ATP8B1: variants seen among roughly 807,000 people sequenced by gnomAD.
ATP8B1 encodes the protein phospholipid-transporting ATPase IC.
Under a neutral mutation model 149.9 loss-of-function variants are expected in ATP8B1, and 80 were observed. That is an observed-to-expected ratio of 0.53 (90% CI 0.45 to 0.64). ATP8B1 has a LOEUF of 0.64. Ranked by LOEUF, ATP8B1 falls within the 30% of genes least tolerant of loss-of-function variation. The probability of loss-of-function intolerance (pLI) is 0.00; values close to 1 mark genes in which losing one functional copy is unlikely to be tolerated. For synonymous variants in ATP8B1, 536 were observed against 562.8 expected, an observed-to-expected ratio of 0.95 and a Z score of 0.67; for missense variants, 1,247 against 1,552.6, an observed-to-expected ratio of 0.80 and a Z score of 3.31.
intron 2 of ATP8B1, among the ~76,000 whole-genome samples, chr18:57,730,118 C>T (rs55654130): frequency 0.01 from 1,563 of 152,126 alleles, 27 homozygotes; most frequent in African/African-American, 0.036. Flanking sequence ...ATTCTGTGAC[C>T]AGAACAGGAA....
At chr18:57,764,576 A>T (rs992398155) in intron 1 of ATP8B1, among the ~76,000 whole-genome samples, 1 of 150,780 alleles carries the variant, frequency 6.6e-6, no homozygotes, top group Non-Finnish European at 1.5e-5. Context: ...CTGCCACCAC[A>T]CCCGGCTAAT....
At position 57,648,445 on chromosome 18, in the gene ATP8B1, A is replaced by G. The variant is rs1237366937; in HGVS notation, c.*43T>C. ...AGTCCTGAGAGTCTTTCATAAAAAA[A>G]TAGACGTGCTTTGTGGCCGCATCCC... is the stretch of plus-strand genomic sequence containing the variant. On this transcript the variant is annotated 3_prime_UTR_variant, in exon 28 of 28. Coordinates refer to ENST00000648908, the MANE Select transcript of ATP8B1 (RefSeq NM_001374385.1). 1 of 1,600,224 alleles carries G rather than the reference A, an allele frequency of 6.2e-7. No individual in the cohort carries two copies. Among genetic ancestry groups the G allele is most frequent in the Non-Finnish European group, 8.5e-7 (1 of 1,170,572 alleles).
In ATP8B1 at chr18:57,655,389, T is replaced by C; in HGVS notation, c.2736A>G (p.Gly912=). 6.2e-7 allele frequency: 1 copy of C among 1,614,228 alleles called. No homozygotes were observed. The highest frequency in any genetic ancestry group is 8.5e-7 in the Non-Finnish European group (1 of 1,180,046). ...KTAHIGVGIS[G]QEGMQAVMSS... ...ACATGACAGCTTGCATTCCTTCTTG[T>C]CCACTTATTCCAACGCCAATGTGGG... Residue 912 remains glycine (G), a synonymous_variant, in exon 23 of 28, where the codon GGA becomes GGG. Transcript: ENST00000648908.
chr18:57,673,560 C>T (rs462224), intron 16 of ATP8B1, among the ~76,000 whole-genome samples: 150,855 of 151,870 alleles, frequency 0.99, 74,942 homozygotes, highest in Middle Eastern at 1. Flanking sequence ...CTCCTTCTAA[C>T]GCAATTTACT....
At chr18:57,685,211 C>G in intron 13 of ATP8B1, 96 bp from the exon 14 acceptor site, 1 of 1,323,696 alleles carries the variant, frequency 7.6e-7, no homozygotes, top group Non-Finnish European at 1.1e-6. Flanking sequence ...GTGGTAAGAC[C>G]ATATACGGCC....
chr18:57,766,724 C>A (rs1440659473), intron 1 of ATP8B1, among the ~76,000 whole-genome samples: 2 of 152,160 alleles, frequency 1.3e-5, no homozygotes, highest in Admixed American at 1.3e-4. Flanking sequence ...AGGGACCACC[C>A]TTTAAGAAGC....
intron 1 of ATP8B1, among the ~76,000 whole-genome samples, chr18:57,756,305 A>ACATATATATATATATATATG (rs1555653787): frequency 9.4e-6 from 1 of 106,128 alleles, no homozygotes. Flanking sequence ...GTGTATGTAT[A>ACATATATATATATATATATG]TATATATATA....
chr18:57,706,427 G>A, intron 3 of ATP8B1, 63 bp downstream of exon 3: 1 of 1,349,686 alleles, frequency 7.4e-7, no homozygotes, highest in East Asian at 2.3e-5. Flanking sequence ...AAGGTAGTAA[G>A]CATGCCAGCT....
In ATP8B1 at chr18:57,652,674, CTT is replaced by C. The variant is rs750061899; in HGVS notation, c.3069_3070del (p.Asp1025LeufsTer6). 1.2e-6 allele frequency: 2 copies of C among 1,614,134 alleles called. No homozygotes were observed. The highest frequency in any genetic ancestry group is 1.7e-5 in the Admixed American group (1 of 60,018). On this transcript the variant is annotated frameshift_variant, in exon 25 of 28. Coordinates refer to ENST00000648908, the MANE Select transcript of ATP8B1 (RefSeq NM_001374385.1). LOFTEE classifies it high-confidence loss of function. ...TCTCTTATAGTTGAATAGTAAGTCT[CTT>C]TGTCCCACTATGTATAACCCAGGGA...
chr18:57,697,298 T>C (rs319440), intron 8 of ATP8B1, among the ~76,000 whole-genome samples: 69,120 of 151,808 alleles, frequency 0.46, 16,334 homozygotes, highest in East Asian at 0.69. Flanking sequence ...TGGTAAAGAC[T>C]TTAAAAATCT....
In ATP8B1 at chr18:57,649,058, C is replaced by T. The variant is rs554984685; in HGVS notation, c.3532-346G>A. On this transcript the variant is annotated intron_variant, in intron 27 of 27. Coordinates refer to ENST00000648908, the MANE Select transcript of ATP8B1 (RefSeq NM_001374385.1). ...GGTTACAGGCACGCACTGCCACACC[C>T]GTCTAATTTTTGTATTTTTAGTGGA... Among the ~76,000 whole-genome samples, 213 of 152,066 alleles carry T rather than the reference C, an allele frequency of 1.4e-3. 2 individuals carry two copies. The highest frequency in any genetic ancestry group is 4.5e-3 in the African/African-American group (187 of 41,486).
chr18:57,694,995 A>C (rs1297111586), intron 10 of ATP8B1, among the ~76,000 whole-genome samples, 176 bp downstream of exon 10: 1 of 131,146 alleles, frequency 7.6e-6, no homozygotes, highest in Non-Finnish European at 1.5e-5. Context: ...ATGCCACTGC[A>C]CTCCAGCCTG....
intron 11 of ATP8B1, among the ~76,000 whole-genome samples, chr18:57,692,867 G>C (rs1340842988): frequency 6.6e-6 from 1 of 152,178 alleles, no homozygotes; most frequent in African/African-American, 2.4e-5. Flanking sequence ...TGTTGTAGAA[G>C]TTATGAGCAT....
intron 22 of ATP8B1, among the ~76,000 whole-genome samples, chr18:57,658,177 G>T (rs891865780): frequency 3.3e-5 from 5 of 151,922 alleles, no homozygotes; most frequent in Admixed American, 6.6e-5. Flanking sequence ...CTCCCGAGTG[G>T]CTGGGATTAC....
chr18:57,786,097 A>G (rs542486534), intron 1 of ATP8B1, among the ~76,000 whole-genome samples: 96 of 152,348 alleles, frequency 6.3e-4, no homozygotes, highest in Non-Finnish European at 9.8e-4. Context: ...TTAATGTGTA[A>G]TTATAGAACA....
chr18:57,764,756 TCAAAAAAAA>T (rs1404843206), intron 1 of ATP8B1, among the ~76,000 whole-genome samples: 15 of 66,440 alleles, frequency 2.3e-4, no homozygotes, highest in Non-Finnish European at 3.8e-4. Context: ...CTTTCAGTTG[TCAAAAAAAA>T]AAAAAAAAAA....
At chr18:57,778,228 C>CT (rs5825238) in intron 1 of ATP8B1, among the ~76,000 whole-genome samples, 190 of 97,650 alleles carry the variant, frequency 1.9e-3, no homozygotes, top group East Asian at 6.2e-3. Flanking sequence ...TTTTCTTTTT[C>CT]TTTTTTTTTT....
At chr18:57,652,442 G>A in intron 25 of ATP8B1, 42 bp downstream of exon 25, 1 of 1,613,124 alleles carries the variant, frequency 6.2e-7, no homozygotes, top group South Asian at 1.1e-5. Flanking sequence ...AATATAAGTA[G>A]GTACCAATAG....
intron 13 of ATP8B1, among the ~76,000 whole-genome samples, chr18:57,685,456 A>G (rs1912188842): frequency 6.6e-6 from 1 of 151,970 alleles, no homozygotes; most frequent in Non-Finnish European, 1.5e-5. Flanking sequence ...GAGAAAAGGC[A>G]CTCACGGTGC....
Sources: gnomAD v4.1 joint callset for allele counts (sites outside exome capture counted in the v4.1 genomes callset) on GRCh38, gnomAD v4.1.1 for gene constraint, MANE v1.5 for transcripts, NCBI Gene and HGNC (gene_info 2026-07-23, HGNC 2026-07-21) for gene names.